The following GALNT9 variants were observed in gnomAD, a reference collection of about 807,000 sequenced individuals.
GALNT9 encodes the protein polypeptide N-acetylgalactosaminyltransferase 9.
Under a neutral mutation model 63.1 loss-of-function variants are expected in GALNT9, and 47 were observed. The observed-to-expected ratio is 0.75, with a 90% CI of 0.59 to 0.95. GALNT9 has a LOEUF of 0.95. Among genes scored for constraint, GALNT9 ranks in the 40% least tolerant of loss-of-function variants. The pLI, the probability that GALNT9 is intolerant of heterozygous loss-of-function variation, is 0.00. For missense variants in GALNT9, 829 were observed against 874.8 expected (o/e 0.95, Z 0.66); for synonymous variants, 396 against 365.7 (o/e 1.08, Z -0.94).
intron 6 of GALNT9, among the ~76,000 whole-genome samples, chr12:132,210,974 G>C (rs1876935260): frequency 1.3e-5 from 2 of 152,066 alleles, no homozygotes; most frequent in East Asian, 3.9e-4. Context: ...CATCACACTT[G>C]AGAGGTGCGC....
rs2135587349 is a variant in GALNT9 at position 132,315,554 on chromosome 12, A to C, written c.238+13412T>G. Reference sequence around the variant, plus strand: ...CTGCACGCAGAGCTGATGCGACTGAACTATTCTGTGGAAAGTAAAAATAGC... The same window carrying C: ...CTGCACGCAGAGCTGATGCGACTGACCTATTCTGTGGAAAGTAAAAATAGC... On this transcript the variant is annotated intron_variant, in intron 1 of 10. Coordinates refer to ENST00000328957, the MANE Select transcript of GALNT9 (RefSeq NM_001122636.2). This position sits in a 1 kb window ranked among gnomAD's most constrained non-coding sequence, Gnocchi z 6.1. Among the ~76,000 whole-genome samples the C allele has an allele frequency of 6.6e-6, 1 of 152,300 alleles. No homozygotes were observed. The highest frequency in any genetic ancestry group is 1.5e-5 in the Non-Finnish European group (1 of 68,024).
At chr12:132,301,569 C>A (rs553838063) in intron 1 of GALNT9, among the ~76,000 whole-genome samples, 6 of 152,360 alleles carry the variant, frequency 3.9e-5, no homozygotes, top group Admixed American at 2.0e-4. Flanking sequence ...GATGGCTGTG[C>A]GAACATTCAC....
intron 1 of GALNT9, among the ~76,000 whole-genome samples, chr12:132,325,890 G>A (rs1364331276): frequency 3.1e-4 from 47 of 152,384 alleles, no homozygotes; most frequent in Admixed American, 2.9e-3. Flanking sequence ...GGCCAGGACC[G>A]CGCCAGGCAG....
intron 1 of GALNT9, among the ~76,000 whole-genome samples, chr12:132,303,893 C>T (rs550135009): frequency 1.6e-5 from 1 of 62,892 alleles, no homozygotes; most frequent in African/African-American, 6.1e-5. Context: ...ACAGCCTCAC[C>T]GGGGCACACC....
intron 6 of GALNT9, among the ~76,000 whole-genome samples, chr12:132,204,878 C>A (rs1292014719): frequency 6.6e-6 from 1 of 152,138 alleles, no homozygotes; most frequent in East Asian, 1.9e-4. Flanking sequence ...AGCCCTGAGC[C>A]TGCCATGCTG....
chr12:132,325,966 C>T (rs1363439266), intron 1 of GALNT9, among the ~76,000 whole-genome samples: 3 of 152,380 alleles, frequency 2.0e-5, no homozygotes, highest in South Asian at 2.1e-4. Flanking sequence ...TGCTCCCTGG[C>T]GGTGACCTTC....
intron 5 of GALNT9, among the ~76,000 whole-genome samples, chr12:132,257,285 G>T (rs1879156162): frequency 6.6e-6 from 1 of 152,166 alleles, no homozygotes; most frequent in Non-Finnish European, 1.5e-5. Flanking sequence ...GAACCCTGAG[G>T]GCTGCGTCTG....
At chr12:132,257,932 T>G in intron 4 of GALNT9, 46 bp from the exon 5 acceptor site, 1 of 1,327,888 alleles carries the variant, frequency 7.5e-7, no homozygotes, top group Non-Finnish European at 1.0e-6. Flanking sequence ...GCCCACCGCA[T>G]TCCCTGAGGA....
intron 2 of GALNT9, among the ~76,000 whole-genome samples, chr12:132,270,689 TGGCCACAGCCACAGCCACGGACAC>T (rs1157576458): frequency 1.3e-5 from 2 of 149,844 alleles, no homozygotes; most frequent in African/African-American, 4.8e-5. Flanking sequence ...GCCACAGCCA[TGGCCACAGCCACAGCCACGGACAC>T]GGCCACGGCC....
intron 1 of GALNT9, among the ~76,000 whole-genome samples, chr12:132,304,374 C>CAGACACGCCCTCACCG (rs1593116506): frequency 3.5e-4 from 39 of 110,514 alleles, no homozygotes; most frequent in Admixed American, 4.5e-4. Flanking sequence ...CAGCCTCACC[C>CAGACACGCCCTCACCG]GGGCACACCC....
At chr12:132,227,753 G>A (rs1339969292) in intron 6 of GALNT9, among the ~76,000 whole-genome samples, 15 of 152,062 alleles carry the variant, frequency 9.9e-5, no homozygotes, top group South Asian at 2.1e-4. Context: ...ATGGGGAAAC[G>A]GAGGCTCAGG....
chr12:132,256,548 G>T (rs566835381), intron 5 of GALNT9, among the ~76,000 whole-genome samples: 25 of 148,080 alleles, frequency 1.7e-4, no homozygotes, highest in Non-Finnish European at 3.3e-4. Flanking sequence ...TGGAATAGGG[G>T]GGACACTGGA....
chr12:132,297,064 T>C (rs1881099812), intron 1 of GALNT9, among the ~76,000 whole-genome samples: 1 of 146,448 alleles, frequency 6.8e-6, no homozygotes, highest in African/African-American at 2.5e-5. Context: ...ACTAACTCAC[T>C]CCGAAGATGA....
At position 132,227,688 on chromosome 12, in the gene GALNT9, G is replaced by A. The variant is rs906916506; in HGVS notation, c.1077+20222C>T. The stretch of plus-strand genomic sequence containing the variant: ...TCCCAGGCACTGAGAGCCCCACTGC[G>A]TTTAATCCTGAAAGAGCCCCAGGGG... On this transcript the variant is annotated intron_variant, in intron 6 of 10. Transcript: ENST00000328957. Among the ~76,000 whole-genome samples, 8 of 152,148 alleles carry A rather than the reference G, an allele frequency of 5.3e-5. No individual in the cohort carries two copies. In the South Asian group the frequency reaches 8.3e-4, roughly 16 times the overall value.
intron 6 of GALNT9, among the ~76,000 whole-genome samples, chr12:132,230,231 G>T (rs1318774401): frequency 2.6e-5 from 4 of 152,204 alleles, no homozygotes; most frequent in Admixed American, 6.5e-5. Flanking sequence ...GTGTGTGCGT[G>T]CCCCTTGCTG....
rs925052134 is a variant in GALNT9, at chr12:132,257,940, G to A, written c.762-54C>T. On this transcript the variant is annotated intron_variant, in intron 4 of 10. Transcript: ENST00000328957. ...GGCCCCAGCCCACCGCATTCCCTGAGGAGGGTCCACTCGCCCACAGGGAGG... is the reference window on the plus strand; with the variant it reads ...GGCCCCAGCCCACCGCATTCCCTGAAGAGGGTCCACTCGCCCACAGGGAGG... 1.3e-5 allele frequency: 17 copies of A among 1,279,380 alleles called. No homozygotes were observed. The East Asian group carries it at 4.1e-4, about 31-fold the overall frequency. The allele number at this position is 1,279,380 out of a possible 1,614,324, so 79.3% of individuals were successfully genotyped here.
intron 2 of GALNT9, among the ~76,000 whole-genome samples, chr12:132,271,222 T>C (rs1324570822): frequency 6.6e-6 from 1 of 151,688 alleles, no homozygotes; most frequent in South Asian, 2.1e-4. Flanking sequence ...CTCTGAGCCT[T>C]GGGGACACGT....
intron 1 of GALNT9, among the ~76,000 whole-genome samples, chr12:132,312,946 CG>C (rs1555245305): frequency 6.6e-6 from 1 of 152,122 alleles, no homozygotes; most frequent in East Asian, 1.9e-4. Context: ...CTGCCTTCCT[CG>C]TCTTCTCTCG....
intron 1 of GALNT9, among the ~76,000 whole-genome samples, chr12:132,326,438 A>G (rs1297225488): frequency 1.3e-5 from 2 of 152,220 alleles, no homozygotes; most frequent in Non-Finnish European, 2.9e-5. Flanking sequence ...TTGAATCTGC[A>G]CACATTCCTT....
Sources: allele counts gnomAD v4.1 joint callset (sites outside exome capture counted in the v4.1 genomes callset), GRCh38; gene constraint gnomAD v4.1.1; non-coding constraint Gnocchi (gnomAD v3.1); transcripts MANE v1.5; gene names NCBI Gene and HGNC (gene_info 2026-07-23, HGNC 2026-07-21).